The following NAALADL2 variants were observed in gnomAD, a reference collection of about 807,000 sequenced individuals.
The protein encoded by NAALADL2 is inactive N-acetylated-alpha-linked acidic dipeptidase-like protein 2.
A neutral mutation model predicts 87.2 loss-of-function variants in NAALADL2; 76 were observed. The observed-to-expected ratio is 0.87, with a 90% CI of 0.72 to 1.05. The LOEUF (loss-of-function observed/expected upper bound fraction) is 1.05. Among genes scored for constraint, NAALADL2 ranks in the 50% least tolerant of loss-of-function variants. NAALADL2 has a pLI of 0.00. For missense variants in NAALADL2, 1,089 were observed against 945.8 expected, an observed-to-expected ratio of 1.15 and a Z score of -1.99; for synonymous variants, 354 against 331.0, an observed-to-expected ratio of 1.07 and a Z score of -0.75.
At chr3:174,465,965 A>T (rs1358065112) in intron 1 of NAALADL2, among the ~76,000 whole-genome samples, 2 of 152,218 alleles carry the variant, frequency 1.3e-5, no homozygotes, top group Non-Finnish European at 2.9e-5. Flanking sequence ...ACACTGGCTT[A>T]AATGAGGTAG....
At chr3:174,900,851 G>T (rs1174139549) in intron 1 of NAALADL2, among the ~76,000 whole-genome samples, 3 of 151,766 alleles carry the variant, frequency 2.0e-5, no homozygotes, top group Admixed American at 2.0e-4. Context: ...CATTGTAAAA[G>T]TAAAATACAT....
intron 1 of NAALADL2, among the ~76,000 whole-genome samples, chr3:174,888,753 T>A (rs76208054): frequency 0.085 from 12,999 of 152,236 alleles, 616 homozygotes; most frequent in Middle Eastern, 0.12. Flanking sequence ...ATGGTTTGTT[T>A]TGTTGGTAAC....
chr3:174,442,372 T>G (rs1522257), intron 1 of NAALADL2, among the ~76,000 whole-genome samples: 41,490 of 111,766 alleles, frequency 0.37, 6,055 homozygotes, highest in South Asian at 0.57. Context: ...TACTTTCACC[T>G]TTAATTTTTT....
chr3:174,923,738 T>G (rs1436014250), intron 1 of NAALADL2, among the ~76,000 whole-genome samples: 1 of 152,172 alleles, frequency 6.6e-6, no homozygotes, highest in Non-Finnish European at 1.5e-5. Context: ...TTTCCTTTAT[T>G]GTAGTCTGGA....
chr3:175,114,983 A>G (rs573262558), intron 2 of NAALADL2, among the ~76,000 whole-genome samples: 18 of 151,780 alleles, frequency 1.2e-4, no homozygotes, highest in African/African-American at 4.3e-4. Flanking sequence ...TTTCCTAGAT[A>G]TGTATGGTAA....
At chr3:174,604,466 G>A (rs1560085505) in intron 2 of NAALADL2, among the ~76,000 whole-genome samples, 1 of 152,040 alleles carries the variant, frequency 6.6e-6, no homozygotes, top group African/African-American at 2.4e-5. Context: ...CATAGGTGAA[G>A]TGTATTTCTT....
intron 13 of NAALADL2, among the ~76,000 whole-genome samples, chr3:175,791,774 T>C (rs1752807340): frequency 6.6e-6 from 1 of 151,744 alleles, no homozygotes; most frequent in African/African-American, 2.4e-5. Context: ...ATATACAGTA[T>C]ATTTTTTCAA....
chr3:174,747,018 G>T (rs1578767041), intron 3 of NAALADL2, among the ~76,000 whole-genome samples: 1 of 152,112 alleles, frequency 6.6e-6, no homozygotes, highest in Non-Finnish European at 1.5e-5. Flanking sequence ...AACAGCACAG[G>T]CAAAGATTTC....
intron 10 of NAALADL2, among the ~76,000 whole-genome samples, chr3:175,621,181 A>G (rs1726184834): frequency 6.6e-6 from 1 of 152,106 alleles, no homozygotes; most frequent in South Asian, 2.1e-4. Flanking sequence ...GTCAGGTTTC[A>G]CTGGGGACCC....
chr3:174,685,303 C>T (rs1727928650), intron 2 of NAALADL2, among the ~76,000 whole-genome samples: 1 of 152,064 alleles, frequency 6.6e-6, no homozygotes, highest in South Asian at 2.1e-4. Flanking sequence ...GCCCAAATCT[C>T]ATCATCATCT....
At chr3:174,796,459 A>C (rs1718105617) in intron 3 of NAALADL2, among the ~76,000 whole-genome samples, 1 of 152,036 alleles carries the variant, frequency 6.6e-6, no homozygotes, top group African/African-American at 2.4e-5. Flanking sequence ...CCCACGTGTA[A>C]GTGAGAATAT....
At chr3:174,701,400 A>G (rs1729542383) in intron 2 of NAALADL2, among the ~76,000 whole-genome samples, 1 of 152,032 alleles carries the variant, frequency 6.6e-6, no homozygotes, top group South Asian at 2.1e-4. Context: ...CAAATAATAT[A>G]TACAGATAAA....
intron 11 of NAALADL2, among the ~76,000 whole-genome samples, chr3:175,682,808 C>T (rs2149887660): frequency 6.6e-6 from 1 of 151,942 alleles, no homozygotes; most frequent in Admixed American, 6.6e-5. Context: ...TTTTCAATTG[C>T]TTGCTATAAT....
chr3:175,661,900 A>G (rs1438978664), intron 11 of NAALADL2, among the ~76,000 whole-genome samples: 3 of 151,778 alleles, frequency 2.0e-5, no homozygotes, highest in Non-Finnish European at 4.4e-5. Flanking sequence ...TTTCTTATTT[A>G]GTAGTAATCT....
At chr3:175,183,159 T>C (rs1466118357) in intron 2 of NAALADL2, among the ~76,000 whole-genome samples, 1 of 152,122 alleles carries the variant, frequency 6.6e-6, no homozygotes, top group African/African-American at 2.4e-5. Context: ...TTATCATTTC[T>C]TCCAATATGT....
intron 1 of NAALADL2, among the ~76,000 whole-genome samples, chr3:175,056,335 G>A (rs1392149203): frequency 6.6e-6 from 1 of 152,130 alleles, no homozygotes; most frequent in Non-Finnish European, 1.5e-5. Flanking sequence ...GAATGAACCA[G>A]AGCCCACACT....
In NAALADL2 at chr3:174,482,914, CT is replaced by C. The variant is rs986931621; in HGVS notation, c.-184+41885del. 2.6e-5 allele frequency among the ~76,000 whole-genome samples: 4 copies of C among 152,208 alleles called. No homozygotes were observed. In the South Asian group the frequency reaches 8.3e-4, roughly 32 times the overall value. On this transcript the variant is annotated intron_variant, in intron 1 of 3. Transcript: ENST00000434257. ...TGTTATGCTAGTCATATCACTACCTCTTTCTTTCCCACTCAAGAAATCATAA... is the reference window on the plus strand; with the variant it reads ...TGTTATGCTAGTCATATCACTACCTCTTCTTTCCCACTCAAGAAATCATAA...
chr3:175,250,050 T>G (rs1417893372), intron 3 of NAALADL2, among the ~76,000 whole-genome samples: 2 of 151,608 alleles, frequency 1.3e-5, no homozygotes, highest in African/African-American at 4.9e-5. Flanking sequence ...ATGCCTGTAA[T>G]CCCAGCTACT....
chr3:174,885,063 G>T (rs1729912342), intron 1 of NAALADL2, among the ~76,000 whole-genome samples: 1 of 152,162 alleles, frequency 6.6e-6, no homozygotes. Context: ...GGATGGGGAA[G>T]TTGTTTCTTC....
Sources: gnomAD v4.1 joint callset for allele counts (sites outside exome capture counted in the v4.1 genomes callset) on GRCh38, gnomAD v4.1.1 for gene constraint, MANE v1.5 for transcripts, NCBI Gene and HGNC (gene_info 2026-07-23, HGNC 2026-07-21) for gene names.